Variants in MEIKIN observed in about 807,000 individuals in gnomAD.
The protein encoded by MEIKIN is meiosis-specific kinetochore protein.
rs542971092 is a variant in MEIKIN at position 131,815,806 on chromosome 5, C to T, written c.1099+2934G>A. ...CATGCAGGACTGCTAATGGCCCAGA[C>T]CCATCAGAAATAAAGTTTGTGTCAC... On this transcript the variant is annotated intron_variant, in intron 12 of 12. Transcript: ENST00000442687. Among the ~76,000 whole-genome samples the T allele has an allele frequency of 3.3e-5, 5 of 152,314 alleles. No individual in the cohort carries two copies. The East Asian group carries it at 9.6e-4, about 29-fold the overall frequency.
intron 11 of MEIKIN, among the ~76,000 whole-genome samples, chr5:131,825,457 T>C (rs1365034031): frequency 1.3e-5 from 2 of 152,138 alleles, no homozygotes; most frequent in African/African-American, 2.4e-5. Context: ...CAAGGAGCAG[T>C]TGTCCTCCAG....
intron 4 of MEIKIN, among the ~76,000 whole-genome samples, chr5:131,937,113 T>A (rs1751793036): frequency 6.6e-6 from 1 of 152,162 alleles, no homozygotes; most frequent in Non-Finnish European, 1.5e-5. Context: ...TTCACATATT[T>A]CCTGTATTAG....
At chr5:131,889,177 T>A (rs1266632491) in intron 8 of MEIKIN, among the ~76,000 whole-genome samples, 6 of 152,222 alleles carry the variant, frequency 3.9e-5, no homozygotes, top group Non-Finnish European at 8.8e-5. Context: ...TGGCTTAGGA[T>A]TGACTTGGCA....
chr5:131,811,914 T>C (rs1408875701), intron 12 of MEIKIN, among the ~76,000 whole-genome samples: 1 of 152,196 alleles, frequency 6.6e-6, no homozygotes, highest in African/African-American at 2.4e-5. Flanking sequence ...CTTCTTAAAG[T>C]ATAACAAATA....
chr5:131,891,933 TTTGC>T (rs1421437231), intron 8 of MEIKIN, among the ~76,000 whole-genome samples: 5 of 152,180 alleles, frequency 3.3e-5, no homozygotes, highest in South Asian at 2.1e-4. Flanking sequence ...TCTCTCAGCA[TTTGC>T]TTGTCTGTAA....
intron 11 of MEIKIN, among the ~76,000 whole-genome samples, chr5:131,844,901 A>C (rs989084071): frequency 2.0e-5 from 3 of 152,156 alleles, no homozygotes; most frequent in African/African-American, 7.2e-5. Context: ...ACCTAAGAAG[A>C]CCTTAAGTTT....
At chr5:131,936,529 C>T (rs1751779802) in intron 4 of MEIKIN, among the ~76,000 whole-genome samples, 1 of 152,168 alleles carries the variant, frequency 6.6e-6, no homozygotes, top group South Asian at 2.1e-4. Flanking sequence ...TATTTATTAC[C>T]TAATTTTAAA....
chr5:131,924,787 C>G (rs1452131780), intron 5 of MEIKIN, among the ~76,000 whole-genome samples: 1 of 151,912 alleles, frequency 6.6e-6, no homozygotes, highest in African/African-American at 2.4e-5. Context: ...GGTAGGTTAT[C>G]TCTTTACTCT....
chr5:131,817,463 A>C (rs1773122416), intron 12 of MEIKIN, among the ~76,000 whole-genome samples: 1 of 152,014 alleles, frequency 6.6e-6, no homozygotes, highest in Non-Finnish European at 1.5e-5. Flanking sequence ...TACAAAAAAA[A>C]AAATTAGCCG....
At chr5:131,888,148 T>C (rs1230860552) in intron 8 of MEIKIN, among the ~76,000 whole-genome samples, 13 of 148,284 alleles carry the variant, frequency 8.8e-5, no homozygotes, top group Non-Finnish European at 3.0e-5. Flanking sequence ...TTTGCTATTG[T>C]GAATAGTGCC....
At chr5:131,907,048 C>T (rs1309529280) in intron 8 of MEIKIN, among the ~76,000 whole-genome samples, 1 of 152,004 alleles carries the variant, frequency 6.6e-6, no homozygotes, top group Non-Finnish European at 1.5e-5. Flanking sequence ...ATTTTGGAAA[C>T]TAACAAACAC....
chr5:131,895,317 G>C (rs1240801125), intron 8 of MEIKIN, among the ~76,000 whole-genome samples: 1 of 152,162 alleles, frequency 6.6e-6, no homozygotes, highest in East Asian at 1.9e-4. Context: ...TTTTCACATC[G>C]ATGTTCATCA....
intron 8 of MEIKIN, among the ~76,000 whole-genome samples, chr5:131,907,626 C>A (rs191228614): frequency 1.3e-4 from 20 of 151,464 alleles, no homozygotes; most frequent in Non-Finnish European, 1.5e-5. Flanking sequence ...GTAATCCCAG[C>A]ACTTTGGGAG....
At chr5:131,864,249 CTTAT>C (rs1411104109) in intron 9 of MEIKIN, among the ~76,000 whole-genome samples, 1 of 152,028 alleles carries the variant, frequency 6.6e-6, no homozygotes, top group African/African-American at 2.4e-5. Flanking sequence ...TTCTTTTTCT[CTTAT>C]TTGTCACCAT....
At chr5:131,896,678 G>T (rs976548495) in intron 8 of MEIKIN, among the ~76,000 whole-genome samples, 2 of 152,160 alleles carry the variant, frequency 1.3e-5, no homozygotes, top group Admixed American at 1.3e-4. Context: ...TTTAAAGTCT[G>T]TGTTATCAGA....
intron 5 of MEIKIN, among the ~76,000 whole-genome samples, chr5:131,925,184 A>G (rs1751567825): frequency 1.3e-5 from 2 of 152,198 alleles, no homozygotes; most frequent in Non-Finnish European, 2.9e-5. Context: ...GAATTACTAT[A>G]GCATTGCAAT....
chr5:131,832,611 G>T (rs1016053318), intron 11 of MEIKIN, among the ~76,000 whole-genome samples: 29 of 152,306 alleles, frequency 1.9e-4, no homozygotes, highest in African/African-American at 7.0e-4. Context: ...CTTCTGCACT[G>T]CCCTAGCAGT....
At position 131,927,787 on chromosome 5, in the gene MEIKIN, T is replaced by C. The variant is rs186174058; in HGVS notation, c.478+5726A>G. Among the ~76,000 whole-genome samples, 484 of 152,300 alleles carry C rather than the reference T, an allele frequency of 3.2e-3. 3 individuals carry two copies. Among genetic ancestry groups the C allele is most frequent in the African/African-American group, 0.011 (460 of 41,562 alleles). On this transcript the variant is annotated intron_variant, in intron 5 of 12. Transcript: ENST00000442687. Reference sequence around the variant, plus strand: ...ATAAATATAGCCACCCTCCTCTCTTTTGGTTACCATTTGTATGGAATATCT... The same window carrying C: ...ATAAATATAGCCACCCTCCTCTCTTCTGGTTACCATTTGTATGGAATATCT...
intron 8 of MEIKIN, among the ~76,000 whole-genome samples, chr5:131,887,239 C>T (rs1378770534): frequency 6.6e-6 from 1 of 151,962 alleles, no homozygotes; most frequent in Non-Finnish European, 1.5e-5. Context: ...CATTGATGGA[C>T]ATTTAGGTTG....
Sources: gnomAD v4.1 joint callset for allele counts (sites outside exome capture counted in the v4.1 genomes callset) on GRCh38, gnomAD v4.1.1 for gene constraint, MANE v1.5 for transcripts, NCBI Gene and HGNC (gene_info 2026-07-23, HGNC 2026-07-21) for gene names.